The following EFHC2 variants were observed in gnomAD, a reference collection of about 807,000 sequenced individuals.
EFHC2 encodes the protein EF-hand domain containing 2, also known as EF-hand domain-containing family member C2.
In EFHC2, 18 loss-of-function variants were observed where a neutral mutation model predicts 52.7. The ratio of observed to expected loss-of-function variants is 0.34; its 90% CI spans 0.24 to 0.51. The LOEUF is 0.51. Ranked by LOEUF, EFHC2 falls within the 20% of genes least tolerant of loss-of-function variation. EFHC2 has a pLI of 0.97. For synonymous variants in EFHC2, 203 were observed against 204.1 expected, an observed-to-expected ratio of 0.99 and a Z score of 0.04; for missense variants, 513 against 562.5, an observed-to-expected ratio of 0.91 and a Z score of 0.89.
chrX:44,333,206 C>T (rs918137647), intron 1 of EFHC2, among the ~76,000 whole-genome samples: 1 of 111,389 alleles, frequency 9.0e-6, no homozygotes, highest in African/African-American at 3.3e-5. Context: ...CAAAACACAA[C>T]GCAGGAAATA....
chrX:44,289,810 T>G (rs2037780177), intron 2 of EFHC2, among the ~76,000 whole-genome samples: 1 of 105,737 alleles, frequency 9.5e-6, no homozygotes. Context: ...GCCTCCCGAA[T>G]AGCTGGGATT....
chrX:44,309,838 A>G (rs1461464068), intron 2 of EFHC2: 9 of 1,171,138 alleles, frequency 7.7e-6, no homozygotes, highest in Admixed American at 6.5e-5. Flanking sequence ...TTTGTCCCCA[A>G]TCCAGCGCAA....
intron 11 of EFHC2, among the ~76,000 whole-genome samples, chrX:44,223,455 C>T (rs763583360): frequency 3.1e-4 from 35 of 111,207 alleles, no homozygotes; most frequent in African/African-American, 1.1e-3. Flanking sequence ...CTTGTTTCTC[C>T]AGCCCTTCCA....
chrX:44,258,658 C>G (rs1241880024), intron 4 of EFHC2, among the ~76,000 whole-genome samples: 2 of 109,953 alleles, frequency 1.8e-5, no homozygotes, highest in African/African-American at 6.6e-5. Context: ...CAATACCAAC[C>G]TGGCCAAGAT....
chrX:44,342,380 T>C (rs1002824005), intron 1 of EFHC2, among the ~76,000 whole-genome samples: 1 of 111,980 alleles, frequency 8.9e-6, no homozygotes, highest in African/African-American at 3.2e-5. Context: ...TCCATCTAAT[T>C]CCCTCCCATC....
chrX:44,272,657 G>A, intron 3 of EFHC2, 29 bp downstream of exon 3: 1 of 1,155,470 alleles, frequency 8.7e-7, no homozygotes, highest in South Asian at 2.0e-5. Context: ...CAGAAGTGAA[G>A]GAACCATAAC....
intron 1 of EFHC2, among the ~76,000 whole-genome samples, chrX:44,333,489 T>C (rs754354070): frequency 9.0e-6 from 1 of 111,671 alleles, no homozygotes; most frequent in Non-Finnish European, 1.9e-5. Context: ...TTTCCCATTA[T>C]GGAAAAGAAG....
intron 8 of EFHC2, 148 bp downstream of exon 8, chrX:44,241,973 A>T: frequency 1.9e-6 from 1 of 528,957 alleles, no homozygotes; most frequent in African/African-American, 2.4e-5. Context: ...CGTGCATGTT[A>T]ATCAACCTCA....
chrX:44,264,607 G>A (rs1371429317), intron 3 of EFHC2, among the ~76,000 whole-genome samples: 1 of 112,474 alleles, frequency 8.9e-6, no homozygotes, highest in Non-Finnish European at 1.9e-5. Flanking sequence ...TAACAGTAAA[G>A]TTTTGATAAC....
At chrX:44,299,229 C>A (rs758721677) in intron 2 of EFHC2, among the ~76,000 whole-genome samples, 20 of 111,646 alleles carry the variant, frequency 1.8e-4, no homozygotes, top group Admixed American at 8.6e-4. Flanking sequence ...CCAAGTTAGC[C>A]TGAAAAACTA....
At chrX:44,248,210 T>C in intron 7 of EFHC2, 62 bp downstream of exon 7, 1 of 1,001,526 alleles carries the variant, frequency 1.0e-6, no homozygotes, top group African/African-American at 1.9e-5. Context: ...AAGTAAAATC[T>C]TAATTAGGGA....
Position 44,231,530 on chromosome X carries a change from C to T in EFHC2, c.1620+951G>A, listed in dbSNP as rs1401465751. ...GGTCTGAAGGTCCCCCCTGCCCACTCCTGCCCCCTCCCCCTTTATCCTTCT... is the reference window on the plus strand; with the variant it reads ...GGTCTGAAGGTCCCCCCTGCCCACTTCTGCCCCCTCCCCCTTTATCCTTCT... On this transcript the variant is annotated intron_variant, in intron 10 of 14. Coordinates refer to ENST00000420999, the MANE Select transcript of EFHC2 (RefSeq NM_025184.4). Among the ~76,000 whole-genome samples, 6 of 108,759 alleles carry T rather than the reference C, an allele frequency of 5.5e-5. No individual in the cohort carries two copies. The Admixed American group carries it at 5.9e-4, about 11-fold the overall frequency. 94.4% of individuals were successfully genotyped at this position (108,759 alleles called of 115,157 possible). A position where few individuals can be genotyped will look rare whatever the true frequency, so the allele number is the denominator to read the frequency against.
intron 2 of EFHC2, among the ~76,000 whole-genome samples, chrX:44,304,856 G>T (rs2037892535): frequency 9.1e-6 from 1 of 109,444 alleles, no homozygotes; most frequent in Admixed American, 9.8e-5. Flanking sequence ...CCAATGTAGG[G>T]TTGCCTTCCC....
rs191202000 is a variant in EFHC2, at chrX:44,323,007, C to T, written c.43-10251G>A. 6.1e-3 allele frequency among the ~76,000 whole-genome samples: 673 copies of T among 110,016 alleles called. 5 individuals carry two copies. The highest frequency in any genetic ancestry group is 0.021 in the African/African-American group (642 of 30,225). ...CAGCCTGGGTGACAGAGCAAGACTC[C>T]GTCTAAAAAAAAAAGGGACCAAGTA... On this transcript the variant is annotated intron_variant, in intron 1 of 14. Transcript: ENST00000420999.
intron 11 of EFHC2, among the ~76,000 whole-genome samples, chrX:44,203,663 T>C (rs909793654): frequency 2.7e-5 from 3 of 111,361 alleles, no homozygotes; most frequent in Non-Finnish European, 5.7e-5. Flanking sequence ...CATGGTTCAC[T>C]GCAGTCTTGA....
chrX:44,247,996 G>A (rs2037413181), intron 7 of EFHC2, among the ~76,000 whole-genome samples: 1 of 111,743 alleles, frequency 8.9e-6, no homozygotes, highest in African/African-American at 3.3e-5. Flanking sequence ...AGGCAGACAA[G>A]TTCAAATCTT....
At chrX:44,180,730 TCTGTCTC>T (rs2036827690) in intron 11 of EFHC2, among the ~76,000 whole-genome samples, 1 of 98,499 alleles carries the variant, frequency 1.0e-5, no homozygotes, top group South Asian at 4.8e-4. Flanking sequence ...AGAGTGAGAC[TCTGTCTC>T]AAATAAATAA....
chrX:44,151,662 T>C (rs931510639), intron 14 of EFHC2, among the ~76,000 whole-genome samples: 10 of 112,451 alleles, frequency 8.9e-5, no homozygotes, highest in Admixed American at 3.8e-4. Flanking sequence ...TTTTAATTAA[T>C]TATATCTGCA....
At chrX:44,182,264 G>C (rs1163365367) in intron 11 of EFHC2, among the ~76,000 whole-genome samples, 1 of 112,135 alleles carries the variant, frequency 8.9e-6, no homozygotes, top group Non-Finnish European at 1.9e-5. Context: ...CGTTTTTCAC[G>C]GCTGAATTCT....
Sources: gnomAD v4.1 joint callset for allele counts (sites outside exome capture counted in the v4.1 genomes callset) on GRCh38, gnomAD v4.1.1 for gene constraint, MANE v1.5 for transcripts, NCBI Gene and HGNC (gene_info 2026-07-23, HGNC 2026-07-21) for gene names.